FAM162B: variants seen among roughly 807,000 people sequenced by gnomAD.
The protein encoded by FAM162B is protein FAM162B.
Under a neutral mutation model 20.0 loss-of-function variants are expected in FAM162B, and 16 were observed. That is an observed-to-expected ratio of 0.80 (90% CI 0.54 to 1.21). The LOEUF (loss-of-function observed/expected upper bound fraction) is 1.21. FAM162B is among the 50% of genes most tolerant of loss of function. The pLI is 0.00. For synonymous variants in FAM162B, 83 were observed against 89.7 expected, an observed-to-expected ratio of 0.93 and a Z score of 0.42; for missense variants, 260 against 227.5, an observed-to-expected ratio of 1.14 and a Z score of -0.92.
At chr6:116,762,638 A>G (rs1209593808) in intron 2 of FAM162B, among the ~76,000 whole-genome samples, 3 of 152,172 alleles carry the variant, frequency 2.0e-5, no homozygotes, top group Non-Finnish European at 4.4e-5. Context: ...GGCTTTTGCA[A>G]TAATTTTTTG....
At position 116,765,664 on chromosome 6, in the gene FAM162B, G is replaced by A; in HGVS notation, c.-88C>T. ...AGCTCTCCTCGTCCCGCCCCGGCCT[G>A]CCGCGCGCTGGAGAGCCTGGGACGT... is the stretch of plus-strand genomic sequence containing the variant. On this transcript the variant is annotated 5_prime_UTR_variant, in exon 1 of 4. Transcript: ENST00000368557. 3.2e-6 allele frequency: 4 copies of A among 1,234,864 alleles called. No individual in the cohort carries two copies. Among genetic ancestry groups the A allele is most frequent in the Non-Finnish European group, 4.1e-6 (4 of 987,594 alleles). 76.5% of individuals were successfully genotyped at this position (1,234,864 alleles called of 1,614,324 possible).
chr6:116,757,687 T>G (rs1255161531), intron 3 of FAM162B, among the ~76,000 whole-genome samples: 1 of 145,230 alleles, frequency 6.9e-6, no homozygotes, highest in Non-Finnish European at 1.5e-5. Flanking sequence ...AGGCAGAGGA[T>G]GCAGGGAGCC....
rs10556522 is a variant in FAM162B at position 116,752,711 on chromosome 6, A to AATATATATATATATATATAT, written c.391-36_391-17dup. 4.6e-4 allele frequency: 220 copies of AATATATATATATATATATAT among 481,430 alleles called. 5 individuals are homozygous for AATATATATATATATATATAT. In the African/African-American group the frequency reaches 5.2e-3, roughly 11 times the overall value. The allele number at this position is 481,430 out of a possible 1,614,324, so 29.8% of individuals were successfully genotyped here. On this transcript the variant is annotated splice_polypyrimidine_tract_variant and intron_variant, in intron 3 of 3. Coordinates refer to ENST00000368557, the MANE Select transcript of FAM162B (RefSeq NM_001085480.3). Reference sequence around the variant, plus strand: ...GTTCTACAGCCTGTGGGGGGGAAGAAATATATATATATATATATATATAGA... The same window carrying AATATATATATATATATATAT: ...GTTCTACAGCCTGTGGGGGGGAAGAAATATATATATATATATATATATATATATATATATATATATATAGA...
chr6:116,762,405 A>T (rs1268007734), intron 2 of FAM162B, among the ~76,000 whole-genome samples: 1 of 152,182 alleles, frequency 6.6e-6, no homozygotes, highest in Non-Finnish European at 1.5e-5. Context: ...AAGTGGGGTA[A>T]AGGAAGAGTT....
chr6:116,761,908 T>C, intron 3 of FAM162B, 69 bp downstream of exon 3: 5 of 1,186,506 alleles, frequency 4.2e-6, no homozygotes, highest in Non-Finnish European at 5.9e-6. Flanking sequence ...TGAGATACTC[T>C]TTTAGGGAGG....
intron 3 of FAM162B, among the ~76,000 whole-genome samples, chr6:116,755,081 C>T (rs976311092): frequency 1.3e-5 from 2 of 152,116 alleles, no homozygotes; most frequent in Non-Finnish European, 2.9e-5. Flanking sequence ...ATGGCCTCTA[C>T]ATGTTCAAGT....
intron 3 of FAM162B, among the ~76,000 whole-genome samples, chr6:116,760,107 T>C (rs1780122362): frequency 6.6e-6 from 1 of 152,236 alleles, no homozygotes; most frequent in Admixed American, 6.5e-5. Flanking sequence ...GATATTCTAA[T>C]AACTACATGC....
intron 3 of FAM162B, among the ~76,000 whole-genome samples, chr6:116,759,660 T>A (rs1780113360): frequency 2.0e-5 from 3 of 152,242 alleles, no homozygotes; most frequent in African/African-American, 4.8e-5. Flanking sequence ...AATTTTTAAA[T>A]CTTGTCACTA....
chr6:116,759,109 C>G (rs1780090323), intron 3 of FAM162B, among the ~76,000 whole-genome samples: 1 of 152,054 alleles, frequency 6.6e-6, no homozygotes, highest in African/African-American at 2.4e-5. Context: ...GAAGTTCGCT[C>G]TCTTTAAAAT....
intron 3 of FAM162B, 22 bp downstream of exon 3, chr6:116,761,955 G>A: frequency 6.5e-7 from 1 of 1,543,512 alleles, no homozygotes; most frequent in Non-Finnish European, 8.9e-7. Flanking sequence ...TAACTGACTT[G>A]CCCTTTTAAG....
At chr6:116,752,992 AAAAT>A (rs1780010104) in intron 3 of FAM162B, among the ~76,000 whole-genome samples, 1 of 151,974 alleles carries the variant, frequency 6.6e-6, no homozygotes, top group African/African-American at 2.4e-5. Context: ...AGTCCTTAGT[AAAAT>A]AAATAAGCAT....
intron 3 of FAM162B, among the ~76,000 whole-genome samples, chr6:116,753,555 G>A (rs569604808): frequency 2.4e-4 from 36 of 152,230 alleles, no homozygotes; most frequent in Admixed American, 6.5e-4. Flanking sequence ...AAACAGTACA[G>A]AAAAGGGTGG....
rs773128740 is a variant in FAM162B at position 116,752,573 on chromosome 6, G to A, written c.*24C>T. 9 of 1,394,806 alleles carry A rather than the reference G, an allele frequency of 6.5e-6. No homozygotes were observed. The African/African-American group carries it at 8.7e-5, about 13-fold the overall frequency. The allele number at this position is 1,394,806 out of a possible 1,614,324, so 86.4% of individuals were successfully genotyped here. The stretch of plus-strand genomic sequence containing the variant: ...TGCTGATGACAGGGATGGTATTCAG[G>A]TGAACACTTTGTCACTTAGAATATC... On this transcript the variant is annotated 3_prime_UTR_variant, in exon 4 of 4. Transcript: ENST00000368557.
intron 2 of FAM162B, among the ~76,000 whole-genome samples, chr6:116,762,499 TA>T (rs56836884): frequency 0.55 from 82,619 of 151,112 alleles, 23,370 homozygotes; most frequent in African/African-American, 0.69. Context: ...GTTTTTTTTT[TA>T]AAACTCATTT....
chr6:116,752,817 G>A (rs1780008553), intron 3 of FAM162B, 122 bp from the exon 4 acceptor site: 1 of 233,438 alleles, frequency 4.3e-6, no homozygotes, highest in Non-Finnish European at 7.6e-6. Context: ...TTGTATTTGA[G>A]ATAGAAATAC....
At chr6:116,763,155 A>G (rs115610030) in intron 2 of FAM162B, among the ~76,000 whole-genome samples, 2,813 of 152,290 alleles carry the variant, frequency 0.018, 66 homozygotes, top group African/African-American at 0.065. Flanking sequence ...AACAGGTCCA[A>G]TTAGTGAGTA....
intron 3 of FAM162B, among the ~76,000 whole-genome samples, chr6:116,759,517 C>T (rs1271560021): frequency 2.0e-5 from 3 of 151,780 alleles, no homozygotes. Flanking sequence ...CCGTGTTAGC[C>T]AGGATGATCT....
At position 116,762,084 on chromosome 6, in the gene FAM162B, G is replaced by T. The variant is rs758155500; in HGVS notation, c.283C>A (p.Pro95Thr). ...SMEEIPPRIP[P>T]EMIDTARNKA... ...TTTCTTGCGGTGTCTATCATTTCTG[G>T]CCTAAACAAAGATGTGTATTTTGTT... The change falls in exon 3 of 4, where the codon CCA becomes ACA. Residue 95 changes from proline to threonine, a missense_variant and splice_region_variant. Physicochemically the swap from Pro to Thr is conservative, Grantham distance 38. Transcript: ENST00000368557. 6.4e-7 allele frequency: 1 copy of T among 1,566,082 alleles called. No individual in the cohort carries two copies. Among genetic ancestry groups the T allele is most frequent in the South Asian group, 1.2e-5 (1 of 85,046 alleles).
chr6:116,758,117 T>C (rs1180562016), intron 3 of FAM162B, among the ~76,000 whole-genome samples: 1 of 151,994 alleles, frequency 6.6e-6, no homozygotes, highest in Admixed American at 6.5e-5. Flanking sequence ...AAAGGCAAAA[T>C]GGAATGGGAT....
Sources: gnomAD v4.1 joint callset for allele counts (sites outside exome capture counted in the v4.1 genomes callset) on GRCh38, gnomAD v4.1.1 for gene constraint, MANE v1.5 for transcripts, NCBI Gene and HGNC (gene_info 2026-07-23, HGNC 2026-07-21) for gene names.